The following CNTNAP2 variants were observed in gnomAD, a reference collection of about 807,000 sequenced individuals.
CNTNAP2 encodes the protein contactin-associated protein-like 2.
CNTNAP2 carries 98 observed loss-of-function variants against 155.2 expected under a neutral mutation model. That is an observed-to-expected ratio of 0.63 (90% CI 0.54 to 0.75). The LOEUF (loss-of-function observed/expected upper bound fraction) is 0.75, where lower values mean the gene tolerates loss of function less well. Among genes scored for constraint, CNTNAP2 ranks in the 30% least tolerant of loss-of-function variants. CNTNAP2 has a pLI of 0.00. For synonymous variants in CNTNAP2, 651 were observed against 631.2 expected (o/e 1.03, Z -0.47); for missense variants, 1,727 against 1,688.1 (o/e 1.02, Z -0.40).
chr7:147,128,160 G>A (rs1801278596), intron 6 of CNTNAP2, among the ~76,000 whole-genome samples: 1 of 151,926 alleles, frequency 6.6e-6, no homozygotes, highest in African/African-American at 2.4e-5. Context: ...GATATTTTTT[G>A]AACTATTTTC....
chr7:147,396,119 A>G (rs1248300180), intron 10 of CNTNAP2, among the ~76,000 whole-genome samples: 2 of 147,900 alleles, frequency 1.4e-5, no homozygotes. Flanking sequence ...CATATATGAG[A>G]TATATTGTAT....
At chr7:148,389,860 C>T (rs2717812) in intron 22 of CNTNAP2, 56,501 of 151,864 alleles carry the variant, frequency 0.37, 12,605 homozygotes, top group East Asian at 0.68. Context: ...TCTGAAGGGT[C>T]TTCATGGTTA....
At chr7:147,585,475 A>G (rs727641) in intron 12 of CNTNAP2, among the ~76,000 whole-genome samples, 103,039 of 148,906 alleles carry the variant, frequency 0.69, 36,181 homozygotes, top group African/African-American at 0.81. Flanking sequence ...AATAATATTT[A>G]TTATCTCATT....
chr7:146,261,787 T>C (rs1563012732), intron 1 of CNTNAP2, among the ~76,000 whole-genome samples: 1 of 152,164 alleles, frequency 6.6e-6, no homozygotes, highest in African/African-American at 2.4e-5. Context: ...CCAAATAAAA[T>C]AAATATTATG....
chr7:146,267,233 G>A (rs1800009559), intron 1 of CNTNAP2, among the ~76,000 whole-genome samples: 2 of 152,030 alleles, frequency 1.3e-5, no homozygotes, highest in South Asian at 4.1e-4. Flanking sequence ...TTGTCATAGT[G>A]GTTTGTGAGA....
At chr7:148,201,648 C>G (rs757248087) in intron 18 of CNTNAP2, among the ~76,000 whole-genome samples, 4 of 152,058 alleles carry the variant, frequency 2.6e-5, no homozygotes, top group Admixed American at 6.6e-5. Context: ...GTTTTGTATG[C>G]AACTAAACTT....
chr7:146,735,727 A>ATACATATGCATATATATGTGCATATAT (rs1801606977), intron 1 of CNTNAP2, among the ~76,000 whole-genome samples: 1 of 152,122 alleles, frequency 6.6e-6, no homozygotes, highest in African/African-American at 2.4e-5. Context: ...ATGTGTAGAG[A>ATACATATGCATATATATGTGCATATAT]ATAGAACTGT....
intron 11 of CNTNAP2, among the ~76,000 whole-genome samples, chr7:147,508,808 T>G (rs577332220): frequency 6.6e-6 from 1 of 152,196 alleles, no homozygotes; most frequent in Admixed American, 6.5e-5. Flanking sequence ...AAGACATGCC[T>G]ATGACTCCTT....
intron 21 of CNTNAP2, among the ~76,000 whole-genome samples, chr7:148,306,951 A>G (rs1453663472): frequency 2.0e-5 from 3 of 152,146 alleles, no homozygotes; most frequent in Admixed American, 6.5e-5. Flanking sequence ...CGTGGGCTTC[A>G]GTGGCTGAGT....
At chr7:148,050,200 T>C (rs2116493166) in intron 15 of CNTNAP2, among the ~76,000 whole-genome samples, 1 of 152,232 alleles carries the variant, frequency 6.6e-6, no homozygotes, top group East Asian at 1.9e-4. Context: ...CCTCAGCAGG[T>C]CCTTCAGGAG....
chr7:146,593,465 G>T lies in CNTNAP2; in HGVS notation c.98-180806G>T, dbSNP rs544084887. Among the ~76,000 whole-genome samples, 10 of 152,102 alleles carry T rather than the reference G, an allele frequency of 6.6e-5. No homozygotes were observed. In the South Asian group the frequency reaches 2.1e-3, roughly 32 times the overall value. On this transcript the variant is annotated intron_variant, in intron 1 of 23. Coordinates refer to ENST00000361727, the MANE Select transcript of CNTNAP2 (RefSeq NM_014141.6). ...CATCTGAGAAAAGAATCTTAGCCCCGTTCTTAAATTCAGAACTCTATTTTT... is the reference window on the plus strand; with the variant it reads ...CATCTGAGAAAAGAATCTTAGCCCCTTTCTTAAATTCAGAACTCTATTTTT...
chr7:147,668,958 C>CA (rs1795743192), intron 13 of CNTNAP2, among the ~76,000 whole-genome samples: 1 of 150,682 alleles, frequency 6.6e-6, no homozygotes, highest in African/African-American at 2.4e-5. Context: ...TATAGGTGTG[C>CA]TTTTTTTTTA....
intron 9 of CNTNAP2, among the ~76,000 whole-genome samples, chr7:147,341,427 T>G (rs1271011927): frequency 1.3e-5 from 1 of 77,618 alleles, no homozygotes; most frequent in African/African-American, 7.1e-5. Flanking sequence ...TCCCAGAAAT[T>G]AAAGTATAAA....
intron 13 of CNTNAP2, among the ~76,000 whole-genome samples, chr7:147,725,240 G>T (rs1477280268): frequency 6.6e-6 from 1 of 151,872 alleles, no homozygotes; most frequent in East Asian, 1.9e-4. Flanking sequence ...AATCTTTTGA[G>T]AATTTAAACC....
intron 13 of CNTNAP2, among the ~76,000 whole-genome samples, chr7:147,774,957 G>A (rs1284597709): frequency 6.6e-6 from 1 of 151,674 alleles, no homozygotes; most frequent in African/African-American, 2.4e-5. Context: ...TTAACCACGT[G>A]GCAGTTCAGT....
chr7:147,599,098 A>T, intron 12 of CNTNAP2, among the ~76,000 whole-genome samples: 1 of 152,084 alleles, frequency 6.6e-6, no homozygotes, highest in Non-Finnish European at 1.5e-5. Flanking sequence ...CGTTGTAAAA[A>T]CTTCTCCACT....
At chr7:147,157,829 A>G (rs1268768987) in intron 8 of CNTNAP2, among the ~76,000 whole-genome samples, 1 of 152,126 alleles carries the variant, frequency 6.6e-6, no homozygotes, top group Non-Finnish European at 1.5e-5. Flanking sequence ...ATTCCAATGT[A>G]CCATATTTAT....
At chr7:148,244,318 A>G (rs903647443) in intron 20 of CNTNAP2, among the ~76,000 whole-genome samples, 2 of 152,188 alleles carry the variant, frequency 1.3e-5, no homozygotes, top group African/African-American at 4.8e-5. Context: ...TTCTCTCTTT[A>G]GGTCACAAAT....
At chr7:146,197,442 C>T (rs939242911) in intron 1 of CNTNAP2, among the ~76,000 whole-genome samples, 9 of 152,162 alleles carry the variant, frequency 5.9e-5, no homozygotes, top group South Asian at 2.1e-4. Flanking sequence ...GTAATTAAGA[C>T]GTGACAGTGT....
Sources: allele counts gnomAD v4.1 joint callset (sites outside exome capture counted in the v4.1 genomes callset), GRCh38; gene constraint gnomAD v4.1.1; transcripts MANE v1.5; gene names NCBI Gene and HGNC (gene_info 2026-07-23, HGNC 2026-07-21).